Variants in ARHGEF38 observed in about 807,000 individuals in gnomAD.
ARHGEF38 encodes Rho guanine nucleotide exchange factor 38.
ARHGEF38 carries 79 observed loss-of-function variants against 79.9 expected under a neutral mutation model. The observed-to-expected ratio is 0.99, with a 90% CI of 0.82 to 1.19. The LOEUF (loss-of-function observed/expected upper bound fraction) is 1.19, where lower values mean the gene tolerates loss of function less well. ARHGEF38 is among the 50% of genes most tolerant of loss of function. The probability of loss-of-function intolerance (pLI) is 0.00; values close to 1 mark genes in which losing one functional copy is unlikely to be tolerated. For synonymous variants in ARHGEF38, 366 were observed against 328.3 expected (o/e 1.11, Z -1.24); for missense variants, 962 against 907.2 (o/e 1.06, Z -0.78).
At chr4:105,618,661 A>G (rs1266222194) in intron 3 of ARHGEF38, among the ~76,000 whole-genome samples, 1 of 152,160 alleles carries the variant, frequency 6.6e-6, no homozygotes, top group Non-Finnish European at 1.5e-5. Context: ...TCAAATTCAC[A>G]TTACATAAAC....
intron 1 of ARHGEF38, among the ~76,000 whole-genome samples, chr4:105,553,368 T>C (rs766204430): frequency 1.1e-4 from 16 of 152,176 alleles, no homozygotes; most frequent in Non-Finnish European, 2.1e-4. Flanking sequence ...ATGAGATATA[T>C]CTAGGTAATG....
chr4:105,618,355 C>T (rs534417562), intron 3 of ARHGEF38, among the ~76,000 whole-genome samples: 9 of 152,144 alleles, frequency 5.9e-5, no homozygotes, highest in African/African-American at 2.2e-4. Context: ...GAAAGAAGAA[C>T]GGCTGGGCAT....
intron 1 of ARHGEF38, among the ~76,000 whole-genome samples, chr4:105,586,577 C>T (rs1727059806): frequency 6.6e-6 from 1 of 152,074 alleles, no homozygotes; most frequent in African/African-American, 2.4e-5. Context: ...GTGATTGAGT[C>T]CTGGAATTTA....
intron 1 of ARHGEF38, among the ~76,000 whole-genome samples, chr4:105,587,033 G>T (rs555001047): frequency 6.6e-6 from 1 of 152,024 alleles, no homozygotes; most frequent in Non-Finnish European, 1.5e-5. Flanking sequence ...CTCTCATAAG[G>T]TGTCCTGTCT....
chr4:105,615,295 CA>C (rs1165740921), intron 3 of ARHGEF38, among the ~76,000 whole-genome samples: 1 of 152,096 alleles, frequency 6.6e-6, no homozygotes, highest in Non-Finnish European at 1.5e-5. Flanking sequence ...TGATGAGACA[CA>C]AAAGTTTCTG....
intron 5 of ARHGEF38, among the ~76,000 whole-genome samples, chr4:105,642,286 T>C (rs2110534723): frequency 6.6e-6 from 1 of 152,304 alleles, no homozygotes; most frequent in South Asian, 2.1e-4. Flanking sequence ...GGCAACTCTC[T>C]CAAGTATATC....
intron 2 of ARHGEF38, among the ~76,000 whole-genome samples, chr4:105,604,849 A>T (rs537311389): frequency 3.2e-4 from 49 of 152,222 alleles, no homozygotes; most frequent in African/African-American, 1.2e-3. Flanking sequence ...TTTAAATATA[A>T]TTTTTTGGCT....
intron 6 of ARHGEF38, 81 bp downstream of exon 6, chr4:105,645,468 T>A: frequency 8.3e-7 from 1 of 1,204,444 alleles, no homozygotes; most frequent in African/African-American, 1.5e-5. Context: ...AATGTTTAAG[T>A]AGTTATAGCA....
chr4:105,585,589 C>G (rs1726995018), intron 1 of ARHGEF38, among the ~76,000 whole-genome samples: 1 of 152,158 alleles, frequency 6.6e-6, no homozygotes, highest in Non-Finnish European at 1.5e-5. Context: ...CTGCATATTT[C>G]TGTTATAGCA....
At chr4:105,566,233 C>T (rs1389907540) in intron 1 of ARHGEF38, among the ~76,000 whole-genome samples, 3 of 152,152 alleles carry the variant, frequency 2.0e-5, no homozygotes. Context: ...TTTTTTGCCA[C>T]CAAGCCTTTA....
At chr4:105,648,506 T>C in intron 6 of ARHGEF38, 43 bp from the exon 7 acceptor site, 1 of 1,443,958 alleles carries the variant, frequency 6.9e-7, no homozygotes, top group African/African-American at 1.4e-5. Context: ...ACACTTTCTA[T>C]GCTGCATGTG....
intron 13 of ARHGEF38, among the ~76,000 whole-genome samples, chr4:105,671,364 C>T (rs77120253): frequency 1.3e-5 from 2 of 152,122 alleles, no homozygotes; most frequent in Non-Finnish European, 2.9e-5. Flanking sequence ...GAGGATGCAC[C>T]TGTTGGAAAC....
At chr4:105,586,656 C>G (rs745994721) in intron 1 of ARHGEF38, among the ~76,000 whole-genome samples, 3 of 152,204 alleles carry the variant, frequency 2.0e-5, no homozygotes, top group Non-Finnish European at 4.4e-5. Flanking sequence ...AAACTTCCTT[C>G]TCCTTGCTAG....
intron 10 of ARHGEF38, 44 bp downstream of exon 10, chr4:105,659,409 G>T: frequency 6.7e-7 from 1 of 1,499,312 alleles, no homozygotes; most frequent in Non-Finnish European, 8.9e-7. Context: ...TGGCCTACTG[G>T]ATCTGCTAGA....
chr4:105,665,322 G>A (rs1280483528), intron 10 of ARHGEF38, among the ~76,000 whole-genome samples: 7 of 151,942 alleles, frequency 4.6e-5, no homozygotes, highest in South Asian at 2.1e-4. Context: ...GTGAAACCCC[G>A]TCTCTACTAA....
intron 1 of ARHGEF38, among the ~76,000 whole-genome samples, chr4:105,554,825 C>T (rs993041472): frequency 1.3e-5 from 2 of 151,946 alleles, no homozygotes; most frequent in Admixed American, 6.6e-5. Flanking sequence ...ACAGAACTTG[C>T]CCAATATTAA....
chr4:105,581,063 C>T (rs1468961162), intron 1 of ARHGEF38, among the ~76,000 whole-genome samples: 4 of 152,070 alleles, frequency 2.6e-5, no homozygotes, highest in African/African-American at 9.7e-5. Context: ...TGAAGTACTC[C>T]TTGTCTGTTT....
rs1731240445 is a variant in ARHGEF38 at position 105,679,576 on chromosome 4, C to T, written c.*1639C>T. The T allele has an allele frequency of 1.0e-6, 1 of 967,660 alleles. No individual in the cohort carries two copies. Among genetic ancestry groups the T allele is most frequent in the Admixed American group, 1.7e-5 (1 of 58,912 alleles). 59.9% of individuals were successfully genotyped at this position (967,660 alleles called of 1,614,324 possible). A position where few individuals can be genotyped will look rare whatever the true frequency, so the allele number is the denominator to read the frequency against. ...AATGCATCTATCGCCCCTTTCTCTT[C>T]TATCAGTATCTGAGCTGATGGTTGG... On this transcript the variant is annotated 3_prime_UTR_variant, in exon 14 of 14. Transcript: ENST00000420470.
intron 1 of ARHGEF38, among the ~76,000 whole-genome samples, chr4:105,588,057 C>T (rs570106739): frequency 6.6e-6 from 1 of 152,166 alleles, no homozygotes; most frequent in Non-Finnish European, 1.5e-5. Context: ...TGTTCACATT[C>T]CTGGGGCAGT....
Sources: gnomAD v4.1 joint callset for allele counts (sites outside exome capture counted in the v4.1 genomes callset) on GRCh38, gnomAD v4.1.1 for gene constraint, MANE v1.5 for transcripts, NCBI Gene and HGNC (gene_info 2026-07-23, HGNC 2026-07-21) for gene names.